The following PPP4R4 variants were observed in gnomAD, a reference collection of about 807,000 sequenced individuals.
PPP4R4 encodes the protein protein phosphatase 4 regulatory subunit 4.
A neutral mutation model predicts 121.8 loss-of-function variants in PPP4R4; 70 were observed. The ratio of observed to expected loss-of-function variants is 0.57; its 90% CI spans 0.47 to 0.70. PPP4R4 has a LOEUF of 0.70. Among genes scored for constraint, PPP4R4 ranks in the 30% least tolerant of loss-of-function variants. The pLI is 0.00. For missense variants in PPP4R4, 875 were observed against 1,033.6 expected (o/e 0.85, Z 2.10); for synonymous variants, 348 against 355.7 (o/e 0.98, Z 0.24).
Position 94,251,899 on chromosome 14 carries a change from A to G in PPP4R4, c.1865+3A>G. 3 of 1,565,524 alleles carry G rather than the reference A, an allele frequency of 1.9e-6. No homozygotes were observed. The highest frequency in any genetic ancestry group is 2.6e-6 in the Non-Finnish European group (3 of 1,155,008). On this transcript the variant is annotated splice_donor_region_variant and intron_variant, in intron 16 of 24. Coordinates refer to ENST00000304338, the MANE Select transcript of PPP4R4 (RefSeq NM_058237.2). ...CATGATCCAGTAGCAAATGTGAGGTATGTTATCAATGAAGGAAAATATTGG... is the reference window on the plus strand; with the variant it reads ...CATGATCCAGTAGCAAATGTGAGGTGTGTTATCAATGAAGGAAAATATTGG...
chr14:94,246,317 AT>A, intron 13 of PPP4R4, 39 bp from the exon 14 acceptor site: 1 of 1,549,364 alleles, frequency 6.5e-7, no homozygotes, highest in Non-Finnish European at 8.7e-7. Context: ...GAGTGCTGCA[AT>A]TTATTTATAA....
At position 94,241,859 on chromosome 14, in the gene PPP4R4, C is replaced by T; in HGVS notation, c.1048C>T (p.Gln350Ter). 1.2e-6 allele frequency: 2 copies of T among 1,609,498 alleles called. No individual in the cohort carries two copies. The highest frequency in any genetic ancestry group is 1.7e-6 in the Non-Finnish European group (2 of 1,177,708). The change falls in exon 10 of 25, where the codon CAA becomes TAA. Residue 350 changes from glutamine (Q) to a stop codon, truncating the protein, a stop_gained. Transcript: ENST00000304338. LOFTEE classifies it high-confidence loss of function. The stretch of plus-strand genomic sequence containing the variant: ...GAAACTTTGTACATTGGGTTTGCAA[C>T]AAGAAAATGGACACAATGAAAACCA... The part of the protein sequence containing the change: ...YKKLCTLGLQ[Q>*]ENGHNENQIP...
chr14:94,257,875 A>G (rs1348030806), intron 17 of PPP4R4, among the ~76,000 whole-genome samples: 1 of 152,132 alleles, frequency 6.6e-6, no homozygotes, highest in African/African-American at 2.4e-5. Context: ...TTATTAGTCT[A>G]TAGTGGATTA....
At chr14:94,232,681 A>G (rs556113996) in intron 5 of PPP4R4, among the ~76,000 whole-genome samples, 3 of 152,238 alleles carry the variant, frequency 2.0e-5, no homozygotes, top group African/African-American at 7.2e-5. Flanking sequence ...CTATAGAGTC[A>G]TAGAATTTTA....
intron 2 of PPP4R4, among the ~76,000 whole-genome samples, chr14:94,185,513 A>G (rs1889223324): frequency 6.6e-6 from 1 of 152,106 alleles, no homozygotes; most frequent in Non-Finnish European, 1.5e-5. Context: ...TCTCAAAACA[A>G]ACAAAAAAAA....
intron 3 of PPP4R4, chr14:94,227,979 C>A: frequency 3.0e-6 from 2 of 668,318 alleles, no homozygotes; most frequent in Non-Finnish European, 3.7e-6. Flanking sequence ...ATTTCAGAGA[C>A]CACTTGCTGC....
intron 23 of PPP4R4, among the ~76,000 whole-genome samples, chr14:94,274,482 TTCACAAAAGATACACAAG>T (rs1894525896): frequency 6.6e-6 from 1 of 152,150 alleles, no homozygotes; most frequent in South Asian, 2.1e-4. Flanking sequence ...GAACATGAAC[TTCACAAAAGATACACAAG>T]TAAGTGCATG....
chr14:94,204,384 T>G (rs1433598988), intron 2 of PPP4R4, among the ~76,000 whole-genome samples: 1 of 152,044 alleles, frequency 6.6e-6, no homozygotes, highest in South Asian at 2.1e-4. Context: ...CAAAAATCAG[T>G]TGGGCATATG....
rs1892414439 is a variant in PPP4R4 at position 94,237,658 on chromosome 14, G to A, written c.825G>A (p.Leu275=). The change falls in exon 8 of 25, where the codon TTG becomes TTA. Residue 275 remains leucine, a synonymous_variant. Coordinates refer to ENST00000304338, the MANE Select transcript of PPP4R4 (RefSeq NM_058237.2). ...TACGACTTGCAGCTTTTGAAACTTT[G>A]GTTAATCTGCTTGATATATTTGATA... ...SSVRLAAFET[L]VNLLDIFDTD... 1.2e-5 allele frequency: 20 copies of A among 1,611,974 alleles called. No homozygotes were observed. The East Asian group carries it at 4.5e-4, about 36-fold the overall frequency.
Position 94,189,740 on chromosome 14 carries a change from G to A in PPP4R4, c.191+13613G>A, listed in dbSNP as rs577561957. ...CATTTATCACTTTTTATCTAAATATGCCTCTGCTTGTTATTGAAGCCTGAC... is the reference window on the plus strand; with the variant it reads ...CATTTATCACTTTTTATCTAAATATACCTCTGCTTGTTATTGAAGCCTGAC... On this transcript the variant is annotated intron_variant, in intron 2 of 24. Transcript: ENST00000304338. 1.8e-3 allele frequency among the ~76,000 whole-genome samples: 280 copies of A among 152,238 alleles called. 1 individual carries two copies. The highest frequency in any genetic ancestry group is 6.2e-3 in the African/African-American group (258 of 41,552).
At chr14:94,209,708 C>T (rs1168326144) in intron 3 of PPP4R4, among the ~76,000 whole-genome samples, 1 of 152,084 alleles carries the variant, frequency 6.6e-6, no homozygotes, top group African/African-American at 2.4e-5. Flanking sequence ...CTACACTTGT[C>T]AGCATGACAC....
At chr14:94,227,158 G>A (rs1891759613) in intron 3 of PPP4R4, 10 of 715,194 alleles carry the variant, frequency 1.4e-5, no homozygotes, top group Non-Finnish European at 2.3e-5. Context: ...AACTCTTAAT[G>A]TCTCATTTCA....
chr14:94,227,810 C>A, intron 3 of PPP4R4: 2 of 986,614 alleles, frequency 2.0e-6, no homozygotes, highest in South Asian at 4.7e-5. Context: ...TTTGCAAAGT[C>A]CTTTCTGTTT....
chr14:94,177,845 C>T (rs968621823), intron 2 of PPP4R4, among the ~76,000 whole-genome samples: 8 of 152,236 alleles, frequency 5.3e-5, no homozygotes, highest in African/African-American at 1.9e-4. Context: ...CTTAAAGAGA[C>T]AGATGGGCCC....
intron 2 of PPP4R4, among the ~76,000 whole-genome samples, chr14:94,188,167 AT>A (rs1889390130): frequency 1.3e-5 from 2 of 151,670 alleles, no homozygotes; most frequent in African/African-American, 4.8e-5. Flanking sequence ...ATCTTGTAGA[AT>A]TTTTTTTCTG....
intron 2 of PPP4R4, among the ~76,000 whole-genome samples, chr14:94,195,747 A>G (rs1302823041): frequency 6.6e-6 from 1 of 152,136 alleles, no homozygotes; most frequent in Non-Finnish European, 1.5e-5. Context: ...GAGAACCACT[A>G]GCTAACCCAG....
chr14:94,248,464 G>A (rs1324556614), intron 14 of PPP4R4, among the ~76,000 whole-genome samples: 1 of 152,138 alleles, frequency 6.6e-6, no homozygotes, highest in African/African-American at 2.4e-5. Flanking sequence ...AATTAATATT[G>A]TTAAAATGAC....
Position 94,250,262 on chromosome 14 carries a change from C to G in PPP4R4, c.1702C>G (p.Gln568Glu). The G allele has an allele frequency of 6.2e-7, 1 of 1,601,092 alleles. No individual in the cohort carries two copies. Among genetic ancestry groups the G allele is most frequent in the Non-Finnish European group, 8.6e-7 (1 of 1,169,028 alleles). The change falls in exon 15 of 25, where the codon CAA becomes GAA. Residue 568 changes from glutamine (Q) to glutamate (E), a missense_variant. Gln to Glu is a conservative substitution (Grantham distance 29, BLOSUM62 2). Coordinates refer to ENST00000304338, the MANE Select transcript of PPP4R4 (RefSeq NM_058237.2). ...RKQEQRHEVI[Q>E]KLIEQLGQGK... is the part of the protein sequence containing the mutation. Reference sequence around the variant, plus strand: ...ACAAGAACAGAGACATGAGGTCATTCAAAAATTAATTGAACGTAAGTAATC... The same window carrying G: ...ACAAGAACAGAGACATGAGGTCATTGAAAAATTAATTGAACGTAAGTAATC...
chr14:94,249,978 T>C (rs897778098), intron 14 of PPP4R4, among the ~76,000 whole-genome samples, 194 bp from the exon 15 acceptor site: 4 of 152,070 alleles, frequency 2.6e-5, no homozygotes, highest in Non-Finnish European at 5.9e-5. Context: ...AACTTTGTAA[T>C]ATAATTATTG....
Sources: gnomAD v4.1 joint callset for allele counts (sites outside exome capture counted in the v4.1 genomes callset) on GRCh38, gnomAD v4.1.1 for gene constraint, MANE v1.5 for transcripts, NCBI Gene and HGNC (gene_info 2026-07-23, HGNC 2026-07-21) for gene names.